Variants in TOX observed in about 807,000 individuals in gnomAD.
TOX encodes thymocyte selection-associated high mobility group box protein TOX.
In TOX, 11 loss-of-function variants were observed where a neutral mutation model predicts 53.7. The ratio of observed to expected loss-of-function variants is 0.20; its 90% CI spans 0.13 to 0.34. TOX has a LOEUF of 0.34. TOX is among the 10% of genes least tolerant of loss of function. The pLI is 1.00. For missense variants in TOX, 570 were observed against 664.6 expected, an observed-to-expected ratio of 0.86 and a Z score of 1.56; for synonymous variants, 225 against 245.3, an observed-to-expected ratio of 0.92 and a Z score of 0.77.
intron 3 of TOX, among the ~76,000 whole-genome samples, chr8:58,855,003 C>T (rs566211451): frequency 7.2e-4 from 109 of 152,226 alleles, no homozygotes; most frequent in African/African-American, 2.5e-3. Context: ...GACTACAGCT[C>T]TGTCATGTCA....
intron 1 of TOX, among the ~76,000 whole-genome samples, chr8:58,981,391 T>G (rs1318065857): frequency 6.6e-6 from 1 of 152,186 alleles, no homozygotes; most frequent in African/African-American, 2.4e-5. Context: ...TTTTGACATC[T>G]TTGATGGTTT....
intron 3 of TOX, among the ~76,000 whole-genome samples, chr8:58,920,992 G>A (rs1383247606): frequency 6.6e-6 from 1 of 152,212 alleles, no homozygotes; most frequent in Admixed American, 6.5e-5. Context: ...ATGGATAGGT[G>A]ACAGACAGGC....
intron 3 of TOX, among the ~76,000 whole-genome samples, chr8:58,858,414 G>A (rs746261561): frequency 2.0e-5 from 3 of 152,200 alleles, no homozygotes; most frequent in Non-Finnish European, 2.9e-5. Context: ...TATCAAAACA[G>A]TTGTACACAT....
intron 1 of TOX, among the ~76,000 whole-genome samples, chr8:59,013,474 G>A (rs1033954066): frequency 7.6e-4 from 115 of 150,610 alleles, no homozygotes; most frequent in Admixed American, 1.3e-4. Flanking sequence ...GCAGTGGCGC[G>A]ATCTCGGCTC....
chr8:58,831,694 T>G (rs1353185378), intron 5 of TOX, among the ~76,000 whole-genome samples: 2 of 152,162 alleles, frequency 1.3e-5, no homozygotes, highest in Non-Finnish European at 2.9e-5. Flanking sequence ...GCCTGGTCTC[T>G]TTTGTTCACT....
chr8:58,935,728 A>C (rs1457353504), intron 3 of TOX, among the ~76,000 whole-genome samples: 1 of 152,220 alleles, frequency 6.6e-6, no homozygotes, highest in Non-Finnish European at 1.5e-5. Context: ...TCCGTAGCTC[A>C]GTTGTTAAAT....
chr8:58,841,120 G>A (rs1563367288), intron 4 of TOX, among the ~76,000 whole-genome samples: 1 of 152,196 alleles, frequency 6.6e-6, no homozygotes, highest in Non-Finnish European at 1.5e-5. Flanking sequence ...TCAAGTTCAT[G>A]TTTCCCTTGA....
chr8:59,052,241 A>C (rs1322289039), intron 1 of TOX, among the ~76,000 whole-genome samples: 1 of 152,192 alleles, frequency 6.6e-6, no homozygotes, highest in Non-Finnish European at 1.5e-5. Context: ...GTTTTCCTAC[A>C]ATTAAACTTA....
chr8:58,830,899 T>C (rs904067530), intron 5 of TOX, among the ~76,000 whole-genome samples: 1 of 152,192 alleles, frequency 6.6e-6, no homozygotes. Flanking sequence ...TTCCCTGCAA[T>C]ATTTTTTAGA....
At chr8:58,831,840 T>C (rs1345487565) in intron 5 of TOX, among the ~76,000 whole-genome samples, 1 of 152,166 alleles carries the variant, frequency 6.6e-6, no homozygotes, top group African/African-American at 2.4e-5. Flanking sequence ...AACTGCATGT[T>C]CTAAATTACA....
chr8:58,963,919 C>T (rs1812845243), intron 1 of TOX, among the ~76,000 whole-genome samples: 1 of 152,118 alleles, frequency 6.6e-6, no homozygotes. Context: ...AACATATTTG[C>T]TGGATTAAAT....
At chr8:58,961,499 C>G (rs139898504) in intron 1 of TOX, among the ~76,000 whole-genome samples, 3 of 152,030 alleles carry the variant, frequency 2.0e-5, no homozygotes, top group African/African-American at 7.2e-5. Context: ...AAGTGACTTA[C>G]CCCAGGTTGC....
chr8:58,888,885 C>T (rs1387471157), intron 3 of TOX, among the ~76,000 whole-genome samples: 1 of 151,884 alleles, frequency 6.6e-6, no homozygotes, highest in South Asian at 2.1e-4. Context: ...TCCATACCTC[C>T]TCCCTAACAG....
chr8:58,827,335 T>A (rs1810382390), intron 5 of TOX, among the ~76,000 whole-genome samples: 1 of 152,070 alleles, frequency 6.6e-6, no homozygotes, highest in South Asian at 2.1e-4. Context: ...AAGACAGAAT[T>A]TAGAGATGAC....
At chr8:58,912,487 G>T (rs1048920840) in intron 3 of TOX, among the ~76,000 whole-genome samples, 1 of 152,192 alleles carries the variant, frequency 6.6e-6, no homozygotes, top group South Asian at 2.1e-4. Flanking sequence ...TGGGGAAAAA[G>T]AGCAGATATT....
chr8:58,812,517 C>T (rs1162628517), intron 7 of TOX, among the ~76,000 whole-genome samples: 1 of 152,188 alleles, frequency 6.6e-6, no homozygotes, highest in Non-Finnish European at 1.5e-5. Context: ...CGTGCTTCCT[C>T]TTCTCATCCT....
intron 1 of TOX, among the ~76,000 whole-genome samples, chr8:59,000,670 G>A (rs772358792): frequency 1.3e-5 from 2 of 152,104 alleles, no homozygotes; most frequent in Non-Finnish European, 2.9e-5. Context: ...CCAGGTCAGT[G>A]CTGCCATGAA....
intron 3 of TOX, among the ~76,000 whole-genome samples, chr8:58,863,682 A>G (rs1006283546): frequency 6.6e-6 from 1 of 152,214 alleles, no homozygotes; most frequent in Non-Finnish European, 1.5e-5. Context: ...GCTAGAACCT[A>G]GAATGACTGA....
At chr8:59,107,362 A>G (rs1457093178) in intron 1 of TOX, among the ~76,000 whole-genome samples, 1 of 152,192 alleles carries the variant, frequency 6.6e-6, no homozygotes, top group Non-Finnish European at 1.5e-5. Flanking sequence ...GCCCTTCATA[A>G]TAGCATATTA....
Sources: allele counts gnomAD v4.1 joint callset (sites outside exome capture counted in the v4.1 genomes callset), GRCh38; gene constraint gnomAD v4.1.1; transcripts MANE v1.5; gene names NCBI Gene and HGNC (gene_info 2026-07-23, HGNC 2026-07-21).